Variants in PIGP observed in about 807,000 individuals in gnomAD.
PIGP encodes phosphatidylinositol glycan anchor biosynthesis class P.
PIGP carries 12 observed loss-of-function variants against 16.9 expected under a neutral mutation model. The observed-to-expected ratio is 0.71, with a 90% CI of 0.46 to 1.15. The LOEUF is 1.15. Among genes scored for constraint, PIGP ranks in the 50% most tolerant of loss-of-function variants. PIGP has a pLI of 0.00. For missense variants in PIGP, 159 were observed against 153.5 expected (o/e 1.04, Z -0.19); for synonymous variants, 57 against 54.7 (o/e 1.04, Z -0.18).
At chr21:37,068,404 A>G (rs1161215990) in intron 3 of PIGP, among the ~76,000 whole-genome samples, 1 of 152,020 alleles carries the variant, frequency 6.6e-6, no homozygotes, top group Non-Finnish European at 1.5e-5. Flanking sequence ...TTCCAAATAC[A>G]GTAATTTCCT....
At chr21:37,072,565 A>G (rs1272509278) in intron 1 of PIGP, 28 bp from the exon 2 acceptor site, 1 of 1,614,102 alleles carries the variant, frequency 6.2e-7, no homozygotes, top group East Asian at 2.2e-5. Flanking sequence ...AATCAGCGTC[A>G]GCGATGTGCT....
chr21:37,070,124 TG>T (rs2069977130), intron 2 of PIGP, among the ~76,000 whole-genome samples: 1 of 152,186 alleles, frequency 6.6e-6, no homozygotes, highest in South Asian at 2.1e-4. Context: ...ATAACAACAA[TG>T]GCTAAGTTCT....
intron 1 of PIGP, chr21:37,072,752 G>A (rs1230899515): frequency 6.0e-6 from 4 of 668,406 alleles, no homozygotes; most frequent in African/African-American, 1.8e-5. Context: ...AGGGCAGGGA[G>A]GGGGGTTCTG....
rs544201722 is a variant in PIGP, at chr21:37,072,229, T to C, written c.82+205A>G. 12 of 1,611,784 alleles carry C rather than the reference T, an allele frequency of 7.4e-6. No homozygotes were observed. In the South Asian group the frequency reaches 9.9e-5, roughly 13 times the overall value. ...CTTTGCCATCGCGTCTGGTGCTGTA[T>C]AAATATTTGTAGAGACTAAAACCTC... On this transcript the variant is annotated intron_variant, in intron 2 of 4. Transcript: ENST00000360525.
At chr21:37,072,247 A>G in intron 2 of PIGP, 187 bp downstream of exon 2, 8 of 1,611,634 alleles carry the variant, frequency 5.0e-6, no homozygotes, top group Non-Finnish European at 6.8e-6. Flanking sequence ...TGTAGAGACT[A>G]AAACCTCCTA....
chr21:37,067,445 G>A, intron 3 of PIGP, 65 bp from the exon 4 acceptor site: 3 of 860,664 alleles, frequency 3.5e-6, no homozygotes, highest in Non-Finnish European at 5.8e-6. Flanking sequence ...TCAAGAGTCG[G>A]TCACAAAGCC....
rs1472105761 is a variant in PIGP, at chr21:37,069,524, C to G, written c.155+28G>C. 5 of 1,325,172 alleles carry G rather than the reference C, an allele frequency of 3.8e-6. No individual in the cohort carries two copies. In the South Asian group the frequency reaches 5.4e-5, roughly 14 times the overall value. The allele number at this position is 1,325,172 out of a possible 1,614,324, so 82.1% of individuals were successfully genotyped here. ...CTCCTCAAAACAGCATTAATTATAT[C>G]CTCATTTAAGAAATATATTAAACTT... On this transcript the variant is annotated intron_variant, in intron 3 of 4. Transcript: ENST00000360525.
chr21:37,072,723 A>G, intron 1 of PIGP, 186 bp from the exon 2 acceptor site: 1 of 885,858 alleles, frequency 1.1e-6, no homozygotes, highest in Admixed American at 2.5e-5. Context: ...GCCCCGCAAC[A>G]GAAGGGGTGG....
At position 37,072,687 on chromosome 21, in the gene PIGP, G is replaced by T. The variant is rs551617239; in HGVS notation, c.-22-150C>A. 12 of 1,346,196 alleles carry T rather than the reference G, an allele frequency of 8.9e-6. No homozygotes were observed. In the African/African-American group the frequency reaches 1.6e-4, roughly 18 times the overall value. The allele number at this position is 1,346,196 out of a possible 1,614,324, so 83.4% of individuals were successfully genotyped here. A position where few individuals can be genotyped will look rare whatever the true frequency, so the allele number is the denominator to read the frequency against. ...CGCAACCCGCGCCCCCGCCTCGAGC[G>T]CATACAGACACCCAGGCTGGCGCGC... is the stretch of plus-strand genomic sequence containing the variant. On this transcript the variant is annotated intron_variant, in intron 1 of 4. Transcript: ENST00000360525.
At chr21:37,071,781 G>A (rs1485062603) in intron 2 of PIGP, among the ~76,000 whole-genome samples, 2 of 152,088 alleles carry the variant, frequency 1.3e-5, no homozygotes, top group African/African-American at 2.4e-5. Flanking sequence ...TGTGTGAGTG[G>A]GCATATTAGT....
intron 4 of PIGP, 132 bp downstream of exon 4, chr21:37,067,130 C>A: frequency 1.6e-6 from 1 of 635,382 alleles, no homozygotes. Flanking sequence ...CCTCAGCCTC[C>A]CAAGTAGCTG....
chr21:37,071,997 T>C, intron 2 of PIGP: 1 of 682,498 alleles, frequency 1.5e-6, no homozygotes, highest in Non-Finnish European at 2.7e-6. Context: ...GCCTTTCCAC[T>C]TCTTCCCTCC....
intron 3 of PIGP, among the ~76,000 whole-genome samples, chr21:37,067,783 T>C (rs1353401955): frequency 6.6e-6 from 1 of 152,202 alleles, no homozygotes; most frequent in Admixed American, 6.5e-5. Context: ...GCAGCAGGTT[T>C]TAGAAATAAT....
At chr21:37,072,904 G>C (rs1467506117) in intron 1 of PIGP, 96 bp downstream of exon 1, 1 of 338,474 alleles carries the variant, frequency 3.0e-6, no homozygotes, top group Non-Finnish European at 5.4e-6. Flanking sequence ...CCCATTCGTG[G>C]AGACTTCTAT....
At position 37,065,411 on chromosome 21, in the gene PIGP, C is replaced by A. The variant is rs1461809030; in HGVS notation, c.*171G>T. On this transcript the variant is annotated 3_prime_UTR_variant, in exon 5 of 5. Transcript: ENST00000360525. ...ATATTGTATTTATTCTATTCATTAA[C>A]AATACTTGAACATTTACAATATTCA... The A allele has an allele frequency of 1.8e-6, 1 of 549,432 alleles. No individual in the cohort carries two copies. The highest frequency in any genetic ancestry group is 2.0e-5 in the African/African-American group (1 of 50,812). 34.0% of individuals were successfully genotyped at this position (549,432 alleles called of 1,614,324 possible). A position where few individuals can be genotyped will look rare whatever the true frequency, so the allele number is the denominator to read the frequency against.
In PIGP at chr21:37,065,703, G is replaced by T. The variant is rs745437791; in HGVS notation, c.284C>A (p.Ala95Glu). Residue 95 changes from alanine (A) to glutamate (E), a missense_variant, in exon 5 of 5, where the codon GCA (alanine) becomes GAA (glutamate). Coordinates refer to ENST00000360525, the MANE Select transcript of PIGP (RefSeq NM_153682.3). ...DSIHTITDNYAKNQQQKKYQE... is the reference protein window; with the variant it reads ...DSIHTITDNYEKNQQQKKYQE... Reference sequence around the variant, plus strand: ...GTATTTCTTCTGCTGTTGATTTTTTGCATAGTTATCTGTAAGAAAAGACCA... The same window carrying T: ...GTATTTCTTCTGCTGTTGATTTTTTTCATAGTTATCTGTAAGAAAAGACCA... The T allele has an allele frequency of 1.1e-5, 18 of 1,612,244 alleles. No homozygotes were observed. In the East Asian group the frequency reaches 3.1e-4, roughly 28 times the overall value.
intron 3 of PIGP, 146 bp downstream of exon 3, chr21:37,069,406 G>A (rs2069961239): frequency 6.2e-6 from 3 of 480,376 alleles, no homozygotes; most frequent in Admixed American, 7.2e-5. Flanking sequence ...TATCAATAGC[G>A]ATCTTTAAAA....
intron 2 of PIGP, 37 bp downstream of exon 2, chr21:37,072,397 G>A (rs1291290501): frequency 4.3e-6 from 7 of 1,612,954 alleles, no homozygotes; most frequent in Admixed American, 1.7e-5. Flanking sequence ...CTGAACGCCA[G>A]AAAAAGCCCC....
At chr21:37,067,695 C>G (rs2069930309) in intron 3 of PIGP, among the ~76,000 whole-genome samples, 1 of 152,158 alleles carries the variant, frequency 6.6e-6, no homozygotes, top group African/African-American at 2.4e-5. Flanking sequence ...GACATTTTCT[C>G]TAGGCTTCCT....
Sources: gnomAD v4.1 joint callset for allele counts (sites outside exome capture counted in the v4.1 genomes callset) on GRCh38, gnomAD v4.1.1 for gene constraint, MANE v1.5 for transcripts, NCBI Gene and HGNC (gene_info 2026-07-23, HGNC 2026-07-21) for gene names.